Variants in GRM1 observed in about 807,000 individuals in gnomAD.
The protein encoded by GRM1 is glutamate metabotropic receptor 1.
GRM1 carries 33 observed loss-of-function variants against 90.9 expected under a neutral mutation model. That is an observed-to-expected ratio of 0.36 (90% CI 0.28 to 0.49). The LOEUF is 0.49. Ranked by LOEUF, GRM1 falls within the 20% of genes least tolerant of loss-of-function variation. The pLI is 0.99. For missense variants in GRM1, 1,190 were observed against 1,534.3 expected, an observed-to-expected ratio of 0.78 and a Z score of 3.75; for synonymous variants, 700 against 613.2, an observed-to-expected ratio of 1.14 and a Z score of -2.09.
upstream of GRM1, among the ~76,000 whole-genome samples, chr6:146,028,065 GA>G (rs1790555623): frequency 6.6e-6 from 1 of 152,070 alleles, no homozygotes. Context: ...CTCACCTTGA[GA>G]AAAGGAGCAG....
intron 1 of GRM1, among the ~76,000 whole-genome samples, chr6:146,126,539 G>A (rs1776205685): frequency 6.6e-6 from 1 of 151,992 alleles, no homozygotes; most frequent in African/African-American, 2.4e-5. Flanking sequence ...AATATTCTTT[G>A]AACTAAACAA....
intron 1 of GRM1, among the ~76,000 whole-genome samples, chr6:146,031,233 G>C (rs1790696646): frequency 6.6e-6 from 1 of 152,050 alleles, no homozygotes; most frequent in Non-Finnish European, 1.5e-5. Flanking sequence ...CCCCCAGTAG[G>C]TTTATGAAAA....
In GRM1 at chr6:146,156,828, A is replaced by G. The variant is rs563723832; in HGVS notation, c.701-2520A>G. Among the ~76,000 whole-genome samples the G allele has an allele frequency of 6.6e-5, 10 of 152,360 alleles. No individual in the cohort carries two copies. In the East Asian group the frequency reaches 1.9e-3, roughly 29 times the overall value. The stretch of plus-strand genomic sequence containing the variant: ...TACAGGAATGGTCCTGGAATGTGAG[A>G]AAAAGACAGAAATAAAAGTAGTTCT... On this transcript the variant is annotated intron_variant, in intron 1 of 7. Coordinates refer to ENST00000282753, the MANE Select transcript of GRM1 (RefSeq NM_001278064.2).
At chr6:146,341,704 C>T (rs1018495593) in intron 3 of GRM1, among the ~76,000 whole-genome samples, 3 of 152,184 alleles carry the variant, frequency 2.0e-5, no homozygotes, top group African/African-American at 7.2e-5. Context: ...AGATGCTAAA[C>T]TCCGTATGTT....
At chr6:146,221,706 T>A (rs1780070081) in intron 2 of GRM1, among the ~76,000 whole-genome samples, 1 of 152,150 alleles carries the variant, frequency 6.6e-6, no homozygotes. Flanking sequence ...TTTGGGTATA[T>A]ACCCAGTAAT....
chr6:146,420,943 C>T (rs574608255), intron 7 of GRM1, among the ~76,000 whole-genome samples: 2 of 151,876 alleles, frequency 1.3e-5, no homozygotes, highest in South Asian at 4.2e-4. Context: ...GCTAAGACCA[C>T]CAGAGGAAAG....
In GRM1 at chr6:146,213,601, A is replaced by G. The variant is rs571845694; in HGVS notation, c.950+54004A>G. ...TTAATGTATTCTTTCATTTCATTCCATATGCATTAGTCACTTAACTGCTGT... is the reference window on the plus strand; with the variant it reads ...TTAATGTATTCTTTCATTTCATTCCGTATGCATTAGTCACTTAACTGCTGT... On this transcript the variant is annotated intron_variant, in intron 2 of 7. Transcript: ENST00000282753. 2.0e-5 allele frequency among the ~76,000 whole-genome samples: 3 copies of G among 152,220 alleles called. No individual in the cohort carries two copies. The South Asian group carries it at 6.2e-4, about 32-fold the overall frequency.
At chr6:146,051,910 T>C (rs2128848775) in intron 1 of GRM1, among the ~76,000 whole-genome samples, 2 of 152,148 alleles carry the variant, frequency 1.3e-5, no homozygotes, top group East Asian at 1.9e-4. Flanking sequence ...GGGAAGAAAA[T>C]ACCAGTTGCA....
intron 1 of GRM1, among the ~76,000 whole-genome samples, chr6:146,100,985 C>G (rs1777031711): frequency 6.6e-6 from 1 of 152,066 alleles, no homozygotes; most frequent in Non-Finnish European, 1.5e-5. Context: ...GCCAAGTACA[C>G]AGGGGGCTGA....
intron 2 of GRM1, among the ~76,000 whole-genome samples, chr6:146,163,581 G>C (rs1777810793): frequency 6.6e-6 from 1 of 152,124 alleles, no homozygotes; most frequent in African/African-American, 2.4e-5. Context: ...ATCAGAATCT[G>C]TGCTGTTAAT....
At chr6:146,062,869 A>G (rs1437514963) in intron 1 of GRM1, among the ~76,000 whole-genome samples, 3 of 152,134 alleles carry the variant, frequency 2.0e-5, no homozygotes, top group African/African-American at 4.8e-5. Flanking sequence ...TATTTTCTAA[A>G]TTTATTTTAT....
chr6:146,135,061 G>A (rs1776568202), intron 1 of GRM1, among the ~76,000 whole-genome samples: 1 of 152,148 alleles, frequency 6.6e-6, no homozygotes, highest in African/African-American at 2.4e-5. Flanking sequence ...ATAAGATTTG[G>A]GTGGGGACAC....
At chr6:146,147,350 C>G (rs983822520) in intron 1 of GRM1, among the ~76,000 whole-genome samples, 4 of 152,170 alleles carry the variant, frequency 2.6e-5, no homozygotes, top group Non-Finnish European at 4.4e-5. Context: ...CGTAAGTTCT[C>G]TAGTCCTCAG....
At chr6:146,420,520 G>A (rs1009025754) in intron 7 of GRM1, among the ~76,000 whole-genome samples, 2 of 152,236 alleles carry the variant, frequency 1.3e-5, no homozygotes, top group Non-Finnish European at 2.9e-5. Flanking sequence ...CTTAGGAGAG[G>A]AAATGGTAAG....
Position 146,195,288 on chromosome 6 carries a change from G to A in GRM1, c.950+35691G>A, listed in dbSNP as rs766720975. On this transcript the variant is annotated intron_variant, in intron 2 of 7. Transcript: ENST00000282753. Reference sequence around the variant, plus strand: ...GGCCCAAGAAAAAAAGCACGAAGACGTAATTGCAACCATCTTCTATTATTC... The same window carrying A: ...GGCCCAAGAAAAAAAGCACGAAGACATAATTGCAACCATCTTCTATTATTC... 3.9e-5 allele frequency among the ~76,000 whole-genome samples: 6 copies of A among 152,158 alleles called. No homozygotes were observed. In the East Asian group the frequency reaches 5.8e-4, roughly 15 times the overall value.
intron 2 of GRM1, among the ~76,000 whole-genome samples, chr6:146,203,546 A>G (rs1485803716): frequency 6.6e-6 from 1 of 152,224 alleles, no homozygotes; most frequent in Admixed American, 6.5e-5. Context: ...GACTCTGACT[A>G]GATAGTCCTA....
intron 2 of GRM1, among the ~76,000 whole-genome samples, chr6:146,267,691 G>A (rs1262082959): frequency 1.9e-5 from 2 of 106,406 alleles, no homozygotes; most frequent in Non-Finnish European, 3.4e-5. Flanking sequence ...GGCTCGGCTC[G>A]GCTCGGCTCG....
intron 1 of GRM1, among the ~76,000 whole-genome samples, chr6:146,055,146 A>T (rs1291944468): frequency 6.6e-6 from 1 of 152,114 alleles, no homozygotes; most frequent in Non-Finnish European, 1.5e-5. Context: ...GAATAAATGT[A>T]TACTTGAAAA....
At chr6:146,314,699 TGAACTGCTTC>T (rs1446558416) in intron 3 of GRM1, among the ~76,000 whole-genome samples, 4 of 152,196 alleles carry the variant, frequency 2.6e-5, no homozygotes, top group African/African-American at 9.6e-5. Flanking sequence ...GTGAGACTTC[TGAACTGCTTC>T]TTGAAGAGTG....
Sources: gnomAD v4.1 joint callset for allele counts (sites outside exome capture counted in the v4.1 genomes callset) on GRCh38, gnomAD v4.1.1 for gene constraint, MANE v1.5 for transcripts, NCBI Gene and HGNC (gene_info 2026-07-23, HGNC 2026-07-21) for gene names.